Variants in UGT1A8 observed in about 807,000 individuals in gnomAD.
UGT1A8 encodes the protein UDP glucuronosyltransferase family 1 member A8, also known as UDP-glucuronosyltransferase 1A8.
A neutral mutation model predicts 45.3 loss-of-function variants in UGT1A8; 39 were observed. That is an observed-to-expected ratio of 0.86 (90% CI 0.67 to 1.12). The LOEUF (loss-of-function observed/expected upper bound fraction) is 1.12. Ranked by LOEUF, UGT1A8 falls within the 50% of genes most tolerant of loss-of-function variation. The pLI is 0.00. For missense variants in UGT1A8, 719 were observed against 664.9 expected (o/e 1.08, Z -0.90); for synonymous variants, 275 against 249.2 (o/e 1.10, Z -0.97).
chr2:233,647,522 T>C (rs1390428208), intron 1 of UGT1A8, among the ~76,000 whole-genome samples: 2 of 152,244 alleles, frequency 1.3e-5, no homozygotes, highest in Non-Finnish European at 2.9e-5. Context: ...TTTACCGTTT[T>C]GTTTGTGGGA....
intron 1 of UGT1A8, among the ~76,000 whole-genome samples, chr2:233,646,639 G>C (rs1185693640): frequency 1.3e-5 from 2 of 152,160 alleles, no homozygotes; most frequent in African/African-American, 2.4e-5. Flanking sequence ...AACATAACAA[G>C]AGTCACCTTT....
At chr2:233,758,789 A>G (rs1481427299) in intron 1 of UGT1A8, among the ~76,000 whole-genome samples, 3 of 152,222 alleles carry the variant, frequency 2.0e-5, no homozygotes, top group Admixed American at 6.5e-5. Context: ...CTGTGCAGTT[A>G]TCTTGGAATT....
At chr2:233,698,168 C>T (rs962502449) in intron 1 of UGT1A8, among the ~76,000 whole-genome samples, 2 of 152,148 alleles carry the variant, frequency 1.3e-5, no homozygotes, top group East Asian at 1.9e-4. Context: ...TCCTAGAGAA[C>T]ATTCTGTATT....
chr2:233,757,077 A>G (rs1321535856), intron 1 of UGT1A8, among the ~76,000 whole-genome samples: 2 of 151,308 alleles, frequency 1.3e-5, no homozygotes, highest in Non-Finnish European at 2.9e-5. Context: ...CAGAATGGCT[A>G]GAGGGTAAGA....
chr2:233,719,741 A>C, intron 1 of UGT1A8: 1 of 1,613,136 alleles, frequency 6.2e-7, no homozygotes, highest in Middle Eastern at 1.9e-4. Flanking sequence ...ACTTTTTAAA[A>C]AATGTATTTA....
intron 1 of UGT1A8, among the ~76,000 whole-genome samples, chr2:233,655,974 A>G (rs1431786372): frequency 6.6e-6 from 1 of 152,146 alleles, no homozygotes; most frequent in Non-Finnish European, 1.5e-5. Context: ...TTCTTGGAAA[A>G]GGTTACAACC....
chr2:233,753,329 G>A (rs1695182951), intron 1 of UGT1A8: 1 of 152,070 alleles, frequency 6.6e-6, no homozygotes, highest in Non-Finnish European at 1.5e-5. Context: ...GGTGCCAGCT[G>A]ACTGCCATTT....
intron 2 of UGT1A8, 98 bp downstream of exon 2, chr2:233,767,263 G>C (rs1020187729): frequency 6.3e-7 from 1 of 1,589,094 alleles, no homozygotes; most frequent in African/African-American, 1.4e-5. Flanking sequence ...TGGAACCTTA[G>C]ATTTGGCTTT....
rs567849180 is a variant in UGT1A8, at chr2:233,618,708, G to A, written c.855+146G>A. 9 of 1,453,336 alleles carry A rather than the reference G, an allele frequency of 6.2e-6. No homozygotes were observed. In the African/African-American group the frequency reaches 9.9e-5, roughly 16 times the overall value. 90.0% of individuals were successfully genotyped at this position (1,453,336 alleles called of 1,614,324 possible). On this transcript the variant is annotated intron_variant, in intron 1 of 4. Coordinates refer to ENST00000373450, the MANE Select transcript of UGT1A8 (RefSeq NM_019076.5). ...AACAGATTATTTTGTGCCAATTTAT[G>A]TACTCATCAGTTATCAAATTTTATA...
intron 1 of UGT1A8, among the ~76,000 whole-genome samples, chr2:233,669,770 G>A (rs947936191): frequency 1.4e-4 from 21 of 152,076 alleles, no homozygotes; most frequent in African/African-American, 3.9e-4. Flanking sequence ...TGCAACCTCC[G>A]CTTCCCGGGT....
chr2:233,709,267 C>T (rs1411787626), intron 1 of UGT1A8, among the ~76,000 whole-genome samples: 6 of 152,090 alleles, frequency 3.9e-5, no homozygotes, highest in Admixed American at 2.6e-4. Context: ...AACTTGTCCA[C>T]GCTGTGAATT....
intron 1 of UGT1A8, chr2:233,760,313 G>A (rs761736540): frequency 1.9e-6 from 3 of 1,613,818 alleles, no homozygotes; most frequent in Non-Finnish European, 2.5e-6. Flanking sequence ...CAGGGCGGAC[G>A]CCCACTTGTC....
intron 1 of UGT1A8, chr2:233,693,771 G>T: frequency 6.2e-7 from 1 of 1,614,156 alleles, no homozygotes; most frequent in Middle Eastern, 1.6e-4. Context: ...TGGCTGTTAA[G>T]ATATGACTTT....
chr2:233,627,104 C>T (rs2125451740), intron 1 of UGT1A8, among the ~76,000 whole-genome samples: 1 of 152,178 alleles, frequency 6.6e-6, no homozygotes, highest in South Asian at 2.1e-4. Flanking sequence ...GTTAGCCTAT[C>T]CCTTCCTGCC....
At chr2:233,711,690 G>A (rs1409150978) in intron 1 of UGT1A8, among the ~76,000 whole-genome samples, 1 of 152,202 alleles carries the variant, frequency 6.6e-6, no homozygotes, top group Non-Finnish European at 1.5e-5. Flanking sequence ...TCTAATGGGG[G>A]TAACTTCCTC....
At position 233,769,777 on chromosome 2, in the gene UGT1A8, C is replaced by G. The variant is rs1699936976; in HGVS notation, c.1295+1338C>G. 7.3e-7 allele frequency: 1 copy of G among 1,373,454 alleles called. No homozygotes were observed. The highest frequency in any genetic ancestry group is 2.6e-5 in the East Asian group (1 of 38,744). 85.1% of individuals were successfully genotyped at this position (1,373,454 alleles called of 1,614,324 possible). ...GGCTAAGGCGGGAGGATTGCTTGAG[C>G]CCAGAAGTTGGAGGCTGCTATGAGC... On this transcript the variant is annotated intron_variant, in intron 4 of 4. Coordinates refer to ENST00000373450, the MANE Select transcript of UGT1A8 (RefSeq NM_019076.5). The surrounding 1 kb of genome is among the most constrained non-coding windows in gnomAD (Gnocchi z 4.4).
intron 1 of UGT1A8, among the ~76,000 whole-genome samples, chr2:233,639,317 AC>A (rs1428514873): frequency 1.2e-4 from 19 of 152,316 alleles, no homozygotes; most frequent in African/African-American, 4.6e-4. Context: ...TTATGATTAT[AC>A]CTGTAAAGGC....
At chr2:233,672,897 T>A in intron 1 of UGT1A8, 1 of 1,511,396 alleles carries the variant, frequency 6.6e-7, no homozygotes, top group South Asian at 1.4e-5. Flanking sequence ...CATTTCAAAT[T>A]TCTTTCCAGT....
chr2:233,758,584 G>A (rs1696918443), intron 1 of UGT1A8, among the ~76,000 whole-genome samples: 1 of 152,180 alleles, frequency 6.6e-6, no homozygotes. Context: ...AAGAGTGTTT[G>A]GGTGTGGGGA....
Sources: gnomAD v4.1 joint callset for allele counts (sites outside exome capture counted in the v4.1 genomes callset) on GRCh38, gnomAD v4.1.1 for gene constraint, Gnocchi (gnomAD v3.1) non-coding constraint, MANE v1.5 for transcripts, NCBI Gene and HGNC (gene_info 2026-07-23, HGNC 2026-07-21) for gene names.